DNAH5: variants seen among roughly 807,000 people sequenced by gnomAD.
The protein encoded by DNAH5 is dynein axonemal heavy chain 5.
A neutral mutation model predicts 518.2 loss-of-function variants in DNAH5; 372 were observed. The observed-to-expected ratio is 0.72, with a 90% CI of 0.66 to 0.78. DNAH5 has a LOEUF of 0.78. Ranked by LOEUF, DNAH5 falls within the 30% of genes least tolerant of loss-of-function variation. DNAH5 has a pLI of 0.00. For synonymous variants in DNAH5, 2,039 were observed against 2,025.9 expected, an observed-to-expected ratio of 1.01 and a Z score of -0.17; for missense variants, 5,523 against 5,687.0, an observed-to-expected ratio of 0.97 and a Z score of 0.93.
intron 30 of DNAH5, among the ~76,000 whole-genome samples, chr5:13,855,136 T>C (rs1458448327): frequency 6.6e-6 from 1 of 152,048 alleles, no homozygotes. Context: ...ACCTACCTCA[T>C]GCATCACTCA....
intron 12 of DNAH5, among the ~76,000 whole-genome samples, 166 bp from the exon 13 acceptor site, chr5:13,902,304 C>A (rs1406881866): frequency 3.3e-5 from 5 of 152,134 alleles, no homozygotes; most frequent in Non-Finnish European, 7.4e-5. Flanking sequence ...AAGCCAGAAA[C>A]AAAGAGAGAC....
chr5:13,944,309 TG>T, intron 1 of DNAH5, 72 bp downstream of exon 1: 4 of 1,475,738 alleles, frequency 2.7e-6, no homozygotes, highest in East Asian at 4.5e-5. Context: ...TTTTCAAGTT[TG>T]TTTTTTCCAC....
intron 33 of DNAH5, 49 bp downstream of exon 33, chr5:13,841,643 T>C (rs1332369984): frequency 2.1e-6 from 3 of 1,452,468 alleles, no homozygotes; most frequent in Non-Finnish European, 1.9e-6. Flanking sequence ...TGTCTGAGAC[T>C]TAAAATGACT....
intron 35 of DNAH5, among the ~76,000 whole-genome samples, chr5:13,837,278 G>C (rs1045017391): frequency 3.6e-4 from 55 of 152,350 alleles, no homozygotes; most frequent in African/African-American, 1.3e-3. Flanking sequence ...AAACAAGGTG[G>C]AGAGAAACTG....
chr5:13,704,685 A>G (rs1167221307), intron 76 of DNAH5, among the ~76,000 whole-genome samples: 1 of 152,210 alleles, frequency 6.6e-6, no homozygotes, highest in Non-Finnish European at 1.5e-5. Flanking sequence ...TAAGCATAGT[A>G]TCCGGTTCTT....
At chr5:13,937,266 G>A (rs1838700) in intron 1 of DNAH5, among the ~76,000 whole-genome samples, 56,685 of 145,348 alleles carry the variant, frequency 0.39, 12,351 homozygotes, top group East Asian at 0.69. Flanking sequence ...GTTATCTAGT[G>A]TGCTCTAGCA....
intron 12 of DNAH5, among the ~76,000 whole-genome samples, chr5:13,907,716 T>C (rs1775503839): frequency 6.6e-6 from 1 of 151,842 alleles, no homozygotes; most frequent in African/African-American, 2.4e-5. Context: ...ATTTATTCTT[T>C]GTGCATCCTA....
intron 78 of DNAH5, among the ~76,000 whole-genome samples, chr5:13,697,096 A>G (rs1741487941): frequency 6.6e-6 from 1 of 152,224 alleles, no homozygotes; most frequent in Admixed American, 6.5e-5. Flanking sequence ...ATGTAACTCA[A>G]CTGGAAAAAG....
chr5:13,793,723 C>T lies in DNAH5; in HGVS notation c.8016G>A (p.Thr2672=), dbSNP rs112594597. 20 of 1,613,816 alleles carry T rather than the reference C, an allele frequency of 1.2e-5. No individual in the cohort carries two copies. The highest frequency in any genetic ancestry group is 9.3e-5 in the African/African-American group (7 of 75,026). Residue 2672 remains threonine (T), a synonymous_variant, in exon 49 of 79, where the codon ACG becomes ACA. Coordinates refer to ENST00000265104, the MANE Select transcript of DNAH5 (RefSeq NM_001369.3). ...PIINEWGDQV[T]NEIVRQLMEQ... is the part of the protein sequence containing the mutation. ...CCATCAGCTGTCGCACTATCTCATTCGTAACCTACAAAAGACAACTTTCAG... is the reference window on the plus strand; with the variant it reads ...CCATCAGCTGTCGCACTATCTCATTTGTAACCTACAAAAGACAACTTTCAG...
At chr5:13,848,890 C>T (rs1766428293) in intron 31 of DNAH5, among the ~76,000 whole-genome samples, 1 of 152,220 alleles carries the variant, frequency 6.6e-6, no homozygotes, top group Non-Finnish European at 1.5e-5. Context: ...TAACAGGCCA[C>T]AGACTGGTGC....
At chr5:14,010,536 T>A (rs1180843774) in intron 1 of DNAH5, among the ~76,000 whole-genome samples, 1 of 152,200 alleles carries the variant, frequency 6.6e-6, no homozygotes, top group Non-Finnish European at 1.5e-5. Context: ...CAATGTCACC[T>A]GTCATTTCAG....
chr5:13,830,920 C>A, intron 35 of DNAH5, 145 bp from the exon 36 acceptor site: 1 of 748,962 alleles, frequency 1.3e-6, no homozygotes, highest in South Asian at 1.6e-5. Context: ...CATCCTAAAA[C>A]ACACTTATCC....
intron 28 of DNAH5, among the ~76,000 whole-genome samples, chr5:13,863,128 T>A (rs1400436746): frequency 2.6e-5 from 4 of 152,204 alleles, no homozygotes; most frequent in African/African-American, 4.8e-5. Context: ...AGCATGTGAA[T>A]GAACACAGGT....
chr5:13,740,261 T>C (rs553987124), intron 65 of DNAH5, among the ~76,000 whole-genome samples: 1 of 151,804 alleles, frequency 6.6e-6, no homozygotes. Context: ...AATTAGGAGG[T>C]CTAAACAGGT....
chr5:13,976,258 C>A (rs1400252193), intron 1 of DNAH5, among the ~76,000 whole-genome samples: 1 of 152,194 alleles, frequency 6.6e-6, no homozygotes, highest in Non-Finnish European at 1.5e-5. Context: ...TCTACAGTTT[C>A]ATTTTCCTCA....
chr5:13,954,786 T>C (rs1348406091), intron 1 of DNAH5, among the ~76,000 whole-genome samples: 1 of 152,164 alleles, frequency 6.6e-6, no homozygotes, highest in African/African-American at 2.4e-5. Flanking sequence ...TGCTACTTTT[T>C]GAGTGAGGCC....
intron 70 of DNAH5, among the ~76,000 whole-genome samples, chr5:13,722,572 C>T (rs921511636): frequency 6.6e-6 from 1 of 152,202 alleles, no homozygotes; most frequent in Non-Finnish European, 1.5e-5. Context: ...CTTTCTGATT[C>T]CACCTGGTGT....
chr5:13,867,211 C>T (rs925223647), intron 25 of DNAH5, among the ~76,000 whole-genome samples: 11 of 152,170 alleles, frequency 7.2e-5, no homozygotes, highest in African/African-American at 2.4e-4. Flanking sequence ...GTATGAAATC[C>T]GATTTGGTTA....
At chr5:13,723,046 A>C (rs961332566) in intron 70 of DNAH5, among the ~76,000 whole-genome samples, 1 of 152,158 alleles carries the variant, frequency 6.6e-6, no homozygotes, top group Non-Finnish European at 1.5e-5. Flanking sequence ...CCTCTCTATT[A>C]GTTCAGTGCC....
Sources: allele counts gnomAD v4.1 joint callset (sites outside exome capture counted in the v4.1 genomes callset), GRCh38; gene constraint gnomAD v4.1.1; transcripts MANE v1.5; gene names NCBI Gene and HGNC (gene_info 2026-07-23, HGNC 2026-07-21).